Variants in DNAH6 observed in about 807,000 individuals in gnomAD.
DNAH6 encodes dynein axonemal heavy chain 6.
DNAH6 carries 340 observed loss-of-function variants against 491.4 expected under a neutral mutation model. The ratio of observed to expected loss-of-function variants is 0.69; its 90% CI spans 0.63 to 0.76. DNAH6 has a LOEUF of 0.76. Ranked by LOEUF, DNAH6 falls within the 30% of genes least tolerant of loss-of-function variation. The probability of loss-of-function intolerance (pLI) is 0.00; values close to 1 mark genes in which losing one functional copy is unlikely to be tolerated. For missense variants in DNAH6, 4,443 were observed against 4,972.2 expected, an observed-to-expected ratio of 0.89 and a Z score of 3.20; for synonymous variants, 1,603 against 1,686.1, an observed-to-expected ratio of 0.95 and a Z score of 1.21.
intron 29 of DNAH6, among the ~76,000 whole-genome samples, chr2:84,633,105 C>T (rs1688557943): frequency 6.6e-6 from 1 of 152,162 alleles, no homozygotes; most frequent in African/African-American, 2.4e-5. Context: ...GCACACGGAG[C>T]AGCCAGTAAG....
rs901783709 is a variant in DNAH6, at chr2:84,683,267, G to A, written c.6916+1739G>A. 5.3e-5 allele frequency among the ~76,000 whole-genome samples: 8 copies of A among 152,180 alleles called. No individual in the cohort carries two copies. In the South Asian group the frequency reaches 6.2e-4, roughly 12 times the overall value. ...CACCACTGTATCCCAGTGCCTAATC[G>A]GGCCTGGCACTGAATGAATGAATGT... On this transcript the variant is annotated intron_variant, in intron 42 of 76. Coordinates refer to ENST00000389394, the MANE Select transcript of DNAH6 (RefSeq NM_001370.2).
chr2:84,729,608 A>G (rs1698955851), intron 61 of DNAH6, among the ~76,000 whole-genome samples: 1 of 152,220 alleles, frequency 6.6e-6, no homozygotes, highest in Non-Finnish European at 1.5e-5. Context: ...AGCACCACCT[A>G]CTTCTCATGA....
At chr2:84,582,124 G>A (rs12328908) in intron 14 of DNAH6, among the ~76,000 whole-genome samples, 138,590 of 152,244 alleles carry the variant, frequency 0.91, 63,428 homozygotes, top group East Asian at 1. Context: ...CGAGGTGTTA[G>A]AAACTTTGGT....
chr2:84,781,737 T>C (rs1573793665), intron 65 of DNAH6, 84 bp downstream of exon 65: 2 of 1,405,458 alleles, frequency 1.4e-6, no homozygotes, highest in East Asian at 5.0e-5. Context: ...TAGTAATTCA[T>C]TATTGTAGGC....
At chr2:84,680,675 C>T (rs764035801) in intron 41 of DNAH6, among the ~76,000 whole-genome samples, 10 of 151,240 alleles carry the variant, frequency 6.6e-5, no homozygotes, top group Non-Finnish European at 1.2e-4. Context: ...GAAGGGTGGA[C>T]CAGCAGGGAG....
chr2:84,737,458 C>T (rs1482339630), intron 62 of DNAH6, among the ~76,000 whole-genome samples: 5 of 151,486 alleles, frequency 3.3e-5, no homozygotes, highest in Non-Finnish European at 7.4e-5. Context: ...CTTTTTTTTC[C>T]GTTAGTTGGT....
intron 37 of DNAH6, among the ~76,000 whole-genome samples, chr2:84,660,168 G>C (rs1175491509): frequency 1.3e-5 from 2 of 152,050 alleles, no homozygotes; most frequent in African/African-American, 4.8e-5. Context: ...TAGTAAAATA[G>C]TTGATTTCAA....
At chr2:84,561,694 A>G (rs1431274066) in intron 11 of DNAH6, among the ~76,000 whole-genome samples, 1 of 152,188 alleles carries the variant, frequency 6.6e-6, no homozygotes, top group Non-Finnish European at 1.5e-5. Flanking sequence ...CAAATTTACA[A>G]GAAAAAAACA....
intron 15 of DNAH6, among the ~76,000 whole-genome samples, chr2:84,585,545 T>C (rs1683449452): frequency 6.6e-6 from 1 of 151,668 alleles, no homozygotes. Flanking sequence ...GGCCCTGGAA[T>C]GGGTGACTCC....
At chr2:84,591,170 A>G (rs1346227541) in intron 16 of DNAH6, among the ~76,000 whole-genome samples, 4 of 152,230 alleles carry the variant, frequency 2.6e-5, no homozygotes, top group Admixed American at 6.5e-5. Flanking sequence ...GACAGGATCC[A>G]GCATATTCTA....
At chr2:84,634,927 G>A (rs945580329) in intron 30 of DNAH6, among the ~76,000 whole-genome samples, 5 of 152,154 alleles carry the variant, frequency 3.3e-5, no homozygotes, top group African/African-American at 2.4e-5. Context: ...GTGAAGGTTG[G>A]GACCAAGTCT....
intron 64 of DNAH6, among the ~76,000 whole-genome samples, chr2:84,763,596 A>G (rs1674792635): frequency 1.3e-5 from 2 of 152,198 alleles, no homozygotes; most frequent in Middle Eastern, 3.4e-3. Flanking sequence ...GGGTTCCTTC[A>G]TGGAGTGGCT....
chr2:84,759,573 C>T (rs1674372501), intron 63 of DNAH6, among the ~76,000 whole-genome samples: 1 of 151,844 alleles, frequency 6.6e-6, no homozygotes, highest in African/African-American at 2.4e-5. Flanking sequence ...AGTGAAAGAT[C>T]TCTACAAAAA....
rs1441132607 is a variant in DNAH6 at position 84,594,095 on chromosome 2, A to T, written c.2724+10A>T. The T allele has an allele frequency of 7.1e-7, 1 of 1,400,782 alleles. No homozygotes were observed. Among genetic ancestry groups the T allele is most frequent in the East Asian group, 2.5e-5 (1 of 39,890 alleles). The allele number at this position is 1,400,782 out of a possible 1,614,324, so 86.8% of individuals were successfully genotyped here. On this transcript the variant is annotated intron_variant, in intron 17 of 76. Coordinates refer to ENST00000389394, the MANE Select transcript of DNAH6 (RefSeq NM_001370.2). ...ACAAGAATGGTTAAAGGTAGGGGAAAAAAGCCTTCAGTTCTCAAATTATTT... is the reference window on the plus strand; with the variant it reads ...ACAAGAATGGTTAAAGGTAGGGGAATAAAGCCTTCAGTTCTCAAATTATTT...
At chr2:84,466,843 A>G in the DNAH6 span, among the ~76,000 whole-genome samples, 2 of 152,226 alleles carry the variant, frequency 1.3e-5, no homozygotes, top group African/African-American at 4.8e-5. Context: ...ATGATTGACA[A>G]AGAAATTTGG....
chr2:84,641,506 G>A (rs1464025461), intron 32 of DNAH6, among the ~76,000 whole-genome samples: 1 of 152,160 alleles, frequency 6.6e-6, no homozygotes, highest in Non-Finnish European at 1.5e-5. Flanking sequence ...CAGCAACAGG[G>A]CTGCACCCAC....
chr2:84,525,541 A>C, intron 2 of DNAH6, 24 bp from the exon 3 acceptor site: 1 of 1,525,304 alleles, frequency 6.6e-7, no homozygotes. Context: ...AATAAAAATT[A>C]ACATGTCTCT....
chr2:84,728,463 T>C (rs981532968), intron 61 of DNAH6, among the ~76,000 whole-genome samples: 1 of 152,224 alleles, frequency 6.6e-6, no homozygotes, highest in Admixed American at 6.5e-5. Flanking sequence ...AACTGTGTAA[T>C]GTATCATTTA....
At chr2:84,628,789 C>A (rs1200771479) in intron 29 of DNAH6, among the ~76,000 whole-genome samples, 1 of 151,576 alleles carries the variant, frequency 6.6e-6, no homozygotes, top group Non-Finnish European at 1.5e-5. Flanking sequence ...ATGTTCTCTC[C>A]CATTTTAAAA....
Sources: gnomAD v4.1 joint callset for allele counts (sites outside exome capture counted in the v4.1 genomes callset) on GRCh38, gnomAD v4.1.1 for gene constraint, MANE v1.5 for transcripts, NCBI Gene and HGNC (gene_info 2026-07-23, HGNC 2026-07-21) for gene names.